The following UBE3D variants were observed in gnomAD, a reference collection of about 807,000 sequenced individuals.
UBE3D encodes the protein E3 ubiquitin-protein ligase E3D.
UBE3D carries 48 observed loss-of-function variants against 49.6 expected under a neutral mutation model. That is an observed-to-expected ratio of 0.97 (90% CI 0.77 to 1.23). The LOEUF is 1.23. Among genes scored for constraint, UBE3D ranks in the 50% most tolerant of loss-of-function variants. The probability of loss-of-function intolerance (pLI) is 0.00; values close to 1 mark genes in which losing one functional copy is unlikely to be tolerated. For missense variants in UBE3D, 452 were observed against 468.4 expected, an observed-to-expected ratio of 0.96 and a Z score of 0.32; for synonymous variants, 189 against 174.2, an observed-to-expected ratio of 1.08 and a Z score of -0.67.
chr6:82,988,025 G>A (rs1436100700), intron 8 of UBE3D, among the ~76,000 whole-genome samples: 1 of 152,156 alleles, frequency 6.6e-6, no homozygotes, highest in African/African-American at 2.4e-5. Flanking sequence ...TTAATAGTAT[G>A]TAATTTTAAT....
intron 9 of UBE3D, among the ~76,000 whole-genome samples, chr6:82,920,476 A>G (rs1172452862): frequency 1.3e-5 from 2 of 152,216 alleles, no homozygotes; most frequent in Non-Finnish European, 2.9e-5. Context: ...TTAAAATAAC[A>G]ATGCACCAAA....
At chr6:82,994,852 G>A (rs1479061153) in intron 8 of UBE3D, among the ~76,000 whole-genome samples, 1 of 152,184 alleles carries the variant, frequency 6.6e-6, no homozygotes, top group Non-Finnish European at 1.5e-5. Context: ...ATGGTAATGA[G>A]TTTCTTCTAC....
intron 9 of UBE3D, among the ~76,000 whole-genome samples, chr6:82,897,178 A>G (rs1227025840): frequency 1.3e-5 from 2 of 152,138 alleles, no homozygotes; most frequent in African/African-American, 2.4e-5. Flanking sequence ...AAAAACACAA[A>G]ACTTTCCTTT....
intron 8 of UBE3D, among the ~76,000 whole-genome samples, chr6:82,971,944 A>T (rs6935400): frequency 0.17 from 25,133 of 152,114 alleles, 2,152 homozygotes; most frequent in African/African-American, 0.2. Context: ...CTGGTATAAC[A>T]AATAGGTTCT....
chr6:82,917,341 C>T lies in UBE3D; in HGVS notation c.1150-24299G>A, dbSNP rs368570059. Among the ~76,000 whole-genome samples, 292 of 152,128 alleles carry T rather than the reference C, an allele frequency of 1.9e-3. 2 individuals carry two copies. Among genetic ancestry groups the T allele is most frequent in the African/African-American group, 6.6e-3 (275 of 41,512 alleles). On this transcript the variant is annotated intron_variant, in intron 9 of 9. Transcript: ENST00000369747. Reference sequence around the variant, plus strand: ...AAAAGAAGGTCTGGAAAATCTCACACCCCAGAGACCACCCAAAACATGCAT... The same window carrying T: ...AAAAGAAGGTCTGGAAAATCTCACATCCCAGAGACCACCCAAAACATGCAT...
At chr6:82,891,863 T>G (rs1006974103), downstream of UBE3D, among the ~76,000 whole-genome samples, 2 of 152,102 alleles carry the variant, frequency 1.3e-5, no homozygotes, top group Non-Finnish European at 2.9e-5. Flanking sequence ...CTGTCTCTAC[T>G]AAAAATACAA....
intron 5 of UBE3D, among the ~76,000 whole-genome samples, chr6:83,029,593 G>A (rs1781723513): frequency 6.6e-6 from 1 of 152,104 alleles, no homozygotes; most frequent in Non-Finnish European, 1.5e-5. Context: ...TGCTTATTAA[G>A]ACCTTTTTTT....
At chr6:82,974,925 AGC>A (rs975140146) in intron 8 of UBE3D, among the ~76,000 whole-genome samples, 1 of 152,162 alleles carries the variant, frequency 6.6e-6, no homozygotes. Context: ...AGCCTAGGGT[AGC>A]CTAGGGTATA....
intron 9 of UBE3D, among the ~76,000 whole-genome samples, chr6:82,895,242 T>C (rs1036575967): frequency 2.0e-5 from 3 of 151,996 alleles, no homozygotes; most frequent in African/African-American, 7.2e-5. Context: ...ACCCATATGG[T>C]AGAGGTTGCA....
At chr6:83,018,926 A>C in intron 8 of UBE3D, 47 bp downstream of exon 8, 10 of 1,601,210 alleles carry the variant, frequency 6.2e-6, no homozygotes, top group Non-Finnish European at 8.5e-6. Context: ...ACATGACAAC[A>C]AAAGCTAAAA....
At chr6:82,990,274 C>A (rs961204005) in intron 8 of UBE3D, among the ~76,000 whole-genome samples, 2 of 152,006 alleles carry the variant, frequency 1.3e-5, no homozygotes, top group African/African-American at 4.8e-5. Context: ...AGAGAAATTG[C>A]CTTTCCTTTT....
At chr6:82,946,163 C>T (rs759140113) in intron 9 of UBE3D, among the ~76,000 whole-genome samples, 2 of 152,182 alleles carry the variant, frequency 1.3e-5, no homozygotes, top group Non-Finnish European at 2.9e-5. Context: ...CAGAAGGTTA[C>T]AGAAAACCAA....
chr6:83,049,636 C>T (rs1005711727), intron 3 of UBE3D: 10 of 319,452 alleles, frequency 3.1e-5, no homozygotes, highest in Non-Finnish European at 6.8e-5. Flanking sequence ...TTCCCAAGAT[C>T]CCATCTTGCT....
intron 9 of UBE3D, among the ~76,000 whole-genome samples, chr6:82,950,624 A>T (rs1775721311): frequency 6.6e-6 from 1 of 152,210 alleles, no homozygotes. Flanking sequence ...AAGAAAAGAA[A>T]TCAGTATATC....
intron 9 of UBE3D, among the ~76,000 whole-genome samples, chr6:82,945,615 A>G (rs1231976236): frequency 1.3e-5 from 2 of 152,196 alleles, no homozygotes; most frequent in Admixed American, 6.5e-5. Context: ...ACAAGCATCA[A>G]TAAACATGAA....
intron 9 of UBE3D, among the ~76,000 whole-genome samples, chr6:82,953,168 T>G (rs568731174): frequency 6.6e-6 from 1 of 152,354 alleles, no homozygotes; most frequent in South Asian, 2.1e-4. Context: ...GTCAACAGGC[T>G]GCAACTTGCC....
intron 8 of UBE3D, among the ~76,000 whole-genome samples, chr6:82,995,801 G>A (rs753238448): frequency 2.6e-5 from 4 of 152,092 alleles, no homozygotes; most frequent in Non-Finnish European, 5.9e-5. Flanking sequence ...TGGGCATGGT[G>A]GCTGCCTGTA....
chr6:82,884,251 T>G, the UBE3D span, among the ~76,000 whole-genome samples: 12 of 152,238 alleles, frequency 7.9e-5, no homozygotes, highest in Middle Eastern at 3.4e-3. Flanking sequence ...AACTTTGGCT[T>G]ATTGAAGTTT....
downstream of UBE3D, among the ~76,000 whole-genome samples, chr6:82,890,335 A>G (rs571150874): frequency 6.6e-6 from 1 of 152,230 alleles, no homozygotes; most frequent in South Asian, 2.1e-4. Flanking sequence ...TATAGCCCCA[A>G]AGTAGACTCT....
Sources: gnomAD v4.1 joint callset for allele counts (sites outside exome capture counted in the v4.1 genomes callset) on GRCh38, gnomAD v4.1.1 for gene constraint, MANE v1.5 for transcripts, NCBI Gene and HGNC (gene_info 2026-07-23, HGNC 2026-07-21) for gene names.